WTAP: variants seen among roughly 807,000 people sequenced by gnomAD.
The protein encoded by WTAP is WT1 associated protein, also known as pre-mRNA-splicing regulator WTAP.
A neutral mutation model predicts 50.0 loss-of-function variants in WTAP; 8 were observed. The observed-to-expected ratio is 0.16, with a 90% CI of 0.09 to 0.29. WTAP has a LOEUF of 0.29. WTAP is among the 10% of genes least tolerant of loss of function. The pLI, the probability that WTAP is intolerant of heterozygous loss-of-function variation, is 1.00. For missense variants in WTAP, 295 were observed against 470.7 expected (o/e 0.63, Z 3.45); for synonymous variants, 194 against 169.0 (o/e 1.15, Z -1.15).
upstream of WTAP, chr6:159,727,424 C>G: frequency 9.8e-7 from 1 of 1,016,880 alleles, no homozygotes; most frequent in Non-Finnish European, 1.2e-6. Flanking sequence ...TGGCCTGCGG[C>G]GCGTTCGGAC....
chr6:159,736,535 C>T (rs960908077), intron 2 of WTAP: 3 of 382,714 alleles, frequency 7.8e-6, no homozygotes, highest in African/African-American at 6.2e-5. Context: ...ATAATATTCC[C>T]ATGGTCTACT....
At chr6:159,727,221 C>T (rs979126256), upstream of WTAP, 8 of 1,268,720 alleles carry the variant, frequency 6.3e-6, no homozygotes, top group Middle Eastern at 4.3e-4. Flanking sequence ...TCCATTGTGC[C>T]TCGAGGCCCC....
At chr6:159,737,980 T>TG (rs1208555551) in intron 2 of WTAP, among the ~76,000 whole-genome samples, 7 of 152,278 alleles carry the variant, frequency 4.6e-5, no homozygotes, top group African/African-American at 1.7e-4. Flanking sequence ...CAACTTTCAC[T>TG]GAGCCTGCTT....
At chr6:159,735,298 C>T (rs973475784) in intron 1 of WTAP, among the ~76,000 whole-genome samples, 8 of 152,114 alleles carry the variant, frequency 5.3e-5, no homozygotes, top group Admixed American at 6.5e-5. Context: ...GCCACTACGC[C>T]GGGCTAATTT....
chr6:159,732,525 T>C (rs568153325), intron 1 of WTAP, among the ~76,000 whole-genome samples: 2 of 152,228 alleles, frequency 1.3e-5, no homozygotes, highest in Non-Finnish European at 2.9e-5. Flanking sequence ...AAATTGTCTT[T>C]AAGATTTTTT....
At chr6:159,743,845 C>A in intron 5 of WTAP, 53 bp downstream of exon 5, 1 of 1,521,606 alleles carries the variant, frequency 6.6e-7, no homozygotes, top group Non-Finnish European at 8.8e-7. Flanking sequence ...GGTTTTTAGT[C>A]CACATTATTA....
upstream of WTAP, chr6:159,727,169 G>C: frequency 8.3e-7 from 1 of 1,201,626 alleles, no homozygotes; most frequent in Non-Finnish European, 1.1e-6. Flanking sequence ...CTCGCGCCAG[G>C]CTCCTGGGAA....
At chr6:159,727,144 C>A, upstream of WTAP, 3 of 1,195,376 alleles carry the variant, frequency 2.5e-6, no homozygotes, top group Non-Finnish European at 3.2e-6. Context: ...TTGCTGAGCT[C>A]CGGGGCCCGC....
intron 4 of WTAP, among the ~76,000 whole-genome samples, chr6:159,743,078 C>T (rs1028090838): frequency 1.3e-5 from 2 of 152,218 alleles, no homozygotes; most frequent in African/African-American, 4.8e-5. Flanking sequence ...GACAGGGTCT[C>T]GCACTGTTGC....
intron 1 of WTAP, among the ~76,000 whole-genome samples, chr6:159,733,619 C>CAAA (rs572744439): frequency 8.9e-6 from 1 of 112,374 alleles, no homozygotes. Flanking sequence ...GAGACTGTCT[C>CAAA]AAAAAAAAAA....
chr6:159,754,114 G>A (rs1222734313), intron 7 of WTAP, among the ~76,000 whole-genome samples: 2 of 152,188 alleles, frequency 1.3e-5, no homozygotes, highest in African/African-American at 4.8e-5. Context: ...AAGTGTAGCT[G>A]TATCTCTGTT....
At chr6:159,754,318 G>A (rs1460677156) in intron 7 of WTAP, among the ~76,000 whole-genome samples, 1 of 152,170 alleles carries the variant, frequency 6.6e-6, no homozygotes, top group Admixed American at 6.5e-5. Flanking sequence ...AACAGTCCTT[G>A]GTTGAGAACA....
In WTAP at chr6:159,755,745, CTTTGTTTTTTTTT is replaced by C. The variant is rs1260302046; in HGVS notation, c.*136_*148del. On this transcript the variant is annotated 3_prime_UTR_variant, in exon 8 of 8. Transcript: ENST00000621533. ...TTGGTTTTTTTTTGTTGTTTTTTTT[CTTTGTTTTTTTTT>C]TCTTTTCTTTTTTTTTTTTTTTTTT... The C allele has an allele frequency of 3.1e-5, 9 of 288,300 alleles. No individual in the cohort carries two copies. Among genetic ancestry groups the C allele is most frequent in the East Asian group, 8.1e-5 (1 of 12,364 alleles). The allele number at this position is 288,300 out of a possible 1,614,324, so 17.9% of individuals were successfully genotyped here.
chr6:159,734,918 T>C (rs1778811680), intron 1 of WTAP, among the ~76,000 whole-genome samples: 1 of 152,116 alleles, frequency 6.6e-6, no homozygotes, highest in Non-Finnish European at 1.5e-5. Flanking sequence ...CTTTTTTTTG[T>C]GTGTGGATTT....
At position 159,748,149 on chromosome 6, in the gene WTAP, T is replaced by G. The variant is rs1189094195; in HGVS notation, c.274-42T>G. The G allele has an allele frequency of 6.4e-7, 1 of 1,571,412 alleles. No individual in the cohort carries two copies. The highest frequency in any genetic ancestry group is 1.2e-5 in the South Asian group (1 of 85,618). On this transcript the variant is annotated intron_variant, in intron 5 of 7. Coordinates refer to ENST00000621533, the MANE Select transcript of WTAP (RefSeq NM_001270531.2). This position sits in a 1 kb window ranked among gnomAD's most constrained non-coding sequence, Gnocchi z 5.6. The stretch of plus-strand genomic sequence containing the variant: ...GTTTTCCCCACCTTCTTATGTATGT[T>G]TCCTTTGATTTGGTCGTAATTGTTT...
chr6:159,739,792 G>T (rs959429047), intron 3 of WTAP, among the ~76,000 whole-genome samples: 2 of 142,446 alleles, frequency 1.4e-5, no homozygotes, highest in Middle Eastern at 3.4e-3. Flanking sequence ...TTCACCTTTG[G>T]ACAGCTACTG....
At chr6:159,741,949 C>A in intron 3 of WTAP, 139 bp from the exon 4 acceptor site, 1 of 656,404 alleles carries the variant, frequency 1.5e-6, no homozygotes, top group Non-Finnish European at 2.6e-6. Flanking sequence ...GAGACTCTGT[C>A]TAAAAAAAAC....
intron 1 of WTAP, among the ~76,000 whole-genome samples, chr6:159,728,603 A>G (rs530600814): frequency 7.2e-5 from 11 of 152,352 alleles, no homozygotes; most frequent in South Asian, 4.1e-4. Context: ...AATTTTGACC[A>G]TTAAGTTTTC....
chr6:159,754,997 A>G lies in WTAP; in HGVS notation c.608-31A>G, dbSNP rs780845614. The G allele has an allele frequency of 2.6e-6, 4 of 1,560,384 alleles. No individual in the cohort carries two copies. In the South Asian group the frequency reaches 3.6e-5, roughly 14 times the overall value. On this transcript the variant is annotated intron_variant, in intron 7 of 7. Transcript: ENST00000621533. ...AACATTTTTCAATGTTATAAACGAT[A>G]TTAAAGTTGGTCTGACTCTCCTTTG...
Sources: gnomAD v4.1 joint callset for allele counts (sites outside exome capture counted in the v4.1 genomes callset) on GRCh38, gnomAD v4.1.1 for gene constraint, Gnocchi (gnomAD v3.1) non-coding constraint, MANE v1.5 for transcripts, NCBI Gene and HGNC (gene_info 2026-07-23, HGNC 2026-07-21) for gene names.